DAB1: variants seen among roughly 807,000 people sequenced by gnomAD.
DAB1 encodes the protein disabled homolog 1.
In DAB1, 15 loss-of-function variants were observed where a neutral mutation model predicts 64.6. The observed-to-expected ratio is 0.23, with a 90% CI of 0.16 to 0.36. The LOEUF (loss-of-function observed/expected upper bound fraction) is 0.36, where lower values mean the gene tolerates loss of function less well. Among genes scored for constraint, DAB1 ranks in the 10% least tolerant of loss-of-function variants. DAB1 has a pLI of 1.00. For missense variants in DAB1, 596 were observed against 706.7 expected, an observed-to-expected ratio of 0.84 and a Z score of 1.78; for synonymous variants, 235 against 251.9, an observed-to-expected ratio of 0.93 and a Z score of 0.64.
At chr1:58,416,356 T>G (rs1164744805) in intron 3 of DAB1, among the ~76,000 whole-genome samples, 1 of 152,192 alleles carries the variant, frequency 6.6e-6, no homozygotes, top group Non-Finnish European at 1.5e-5. Flanking sequence ...ATTTGGAGAC[T>G]GGGTATAATA....
intron 2 of DAB1, among the ~76,000 whole-genome samples, chr1:57,153,767 A>G (rs1347429067): frequency 6.6e-6 from 1 of 151,928 alleles, no homozygotes; most frequent in Middle Eastern, 3.2e-3. Context: ...CCTCCTGAGT[A>G]GCTGGGATTA....
At chr1:57,066,024 C>G (rs79073234) in intron 8 of DAB1, among the ~76,000 whole-genome samples, 3,132 of 152,294 alleles carry the variant, frequency 0.021, 45 homozygotes, top group South Asian at 0.041. Context: ...ATACAGAAGA[C>G]ACTTTTACTT....
intron 1 of DAB1, among the ~76,000 whole-genome samples, chr1:57,357,263 A>C (rs1434478020): frequency 6.6e-6 from 1 of 152,050 alleles, no homozygotes; most frequent in Non-Finnish European, 1.5e-5. Context: ...GAAATGTAAA[A>C]AAAATAATAC....
intron 1 of DAB1, among the ~76,000 whole-genome samples, chr1:57,344,762 G>A (rs192254661): frequency 2.2e-4 from 33 of 152,230 alleles, no homozygotes; most frequent in Admixed American, 7.8e-4. Context: ...GGGGCACACA[G>A]ACGTGGGCTT....
chr1:57,320,880 A>G (rs1675658723), intron 1 of DAB1, among the ~76,000 whole-genome samples: 1 of 152,184 alleles, frequency 6.6e-6, no homozygotes, highest in Non-Finnish European at 1.5e-5. Context: ...CCCAGGTTAC[A>G]GGGCTAGTAA....
intron 3 of DAB1, among the ~76,000 whole-genome samples, chr1:58,434,790 G>A (rs1211746690): frequency 6.6e-6 from 1 of 152,108 alleles, no homozygotes; most frequent in African/African-American, 2.4e-5. Context: ...TAAACAAAGT[G>A]CATCCCCTGC....
intron 5 of DAB1, among the ~76,000 whole-genome samples, chr1:58,125,749 C>A (rs1056854333): frequency 6.6e-6 from 1 of 152,240 alleles, no homozygotes; most frequent in Middle Eastern, 3.4e-3. Context: ...CCCAGTCTCA[C>A]CTTAACACTT....
intron 5 of DAB1, among the ~76,000 whole-genome samples, chr1:58,147,384 C>T (rs1454703413): frequency 2.7e-5 from 4 of 149,672 alleles, no homozygotes; most frequent in Non-Finnish European, 4.4e-5. Flanking sequence ...TTCGGGAGGC[C>T]GAGGCAGGCG....
At chr1:57,340,873 C>T (rs531991941) in intron 1 of DAB1, among the ~76,000 whole-genome samples, 1 of 152,280 alleles carries the variant, frequency 6.6e-6, no homozygotes, top group East Asian at 1.9e-4. Flanking sequence ...TGCACAAGTC[C>T]CACACTGAAC....
intron 1 of DAB1, among the ~76,000 whole-genome samples, chr1:57,398,973 C>A (rs1045546700): frequency 9.2e-5 from 14 of 152,234 alleles, no homozygotes; most frequent in African/African-American, 3.4e-4. Context: ...TGGGGAAATG[C>A]AGTCCGACTC....
intron 4 of DAB1, among the ~76,000 whole-genome samples, chr1:57,086,656 C>T (rs1653107243): frequency 6.8e-6 from 1 of 147,698 alleles, no homozygotes; most frequent in Non-Finnish European, 1.5e-5. Flanking sequence ...CACACACACA[C>T]ACACACACAC....
intron 6 of DAB1, among the ~76,000 whole-genome samples, chr1:57,768,040 G>T (rs1234524570): frequency 6.6e-6 from 1 of 151,774 alleles, no homozygotes; most frequent in Non-Finnish European, 1.5e-5. Flanking sequence ...AGCCAGGTTT[G>T]GTGGTGTGCG....
chr1:57,997,144 G>C (rs78092383), intron 5 of DAB1, among the ~76,000 whole-genome samples: 1 of 152,088 alleles, frequency 6.6e-6, no homozygotes, highest in Admixed American at 6.5e-5. Flanking sequence ...TGGGAAGCTC[G>C]GCAAGTGGGC....
chr1:57,640,931 A>C (rs746603899), intron 7 of DAB1, among the ~76,000 whole-genome samples: 1 of 152,156 alleles, frequency 6.6e-6, no homozygotes, highest in Non-Finnish European at 1.5e-5. Flanking sequence ...GGCTTAAATG[A>C]AGGCTGCTGT....
rs1161415612 is a variant in DAB1 at position 57,063,760 on chromosome 1, A to G, written c.664-817T>C. 2.0e-5 allele frequency among the ~76,000 whole-genome samples: 3 copies of G among 152,222 alleles called. No homozygotes were observed. In the East Asian group the frequency reaches 5.8e-4, roughly 29 times the overall value. ...GTTAGAAGAATTACTTTAGTTACTG[A>G]CACATCATTTAAATATATACGAACA... On this transcript the variant is annotated intron_variant, in intron 8 of 14. Transcript: ENST00000371236.
intron 4 of DAB1, among the ~76,000 whole-genome samples, chr1:58,280,357 G>C (rs1460632215): frequency 6.6e-6 from 1 of 152,156 alleles, no homozygotes; most frequent in Non-Finnish European, 1.5e-5. Context: ...CCTAGCATGG[G>C]GATCATCAGA....
intron 6 of DAB1, among the ~76,000 whole-genome samples, chr1:57,805,572 T>G (rs1267940832): frequency 6.6e-6 from 1 of 152,210 alleles, no homozygotes; most frequent in Non-Finnish European, 1.5e-5. Flanking sequence ...TTGTATGTCT[T>G]CAAATATCAT....
chr1:58,079,616 G>A (rs996892145), intron 5 of DAB1, among the ~76,000 whole-genome samples: 12 of 141,966 alleles, frequency 8.5e-5, no homozygotes, highest in South Asian at 2.3e-4. Flanking sequence ...TCTGCCTCCC[G>A]GTTCAAGCAA....
intron 2 of DAB1, among the ~76,000 whole-genome samples, chr1:57,276,825 T>C (rs1413409473): frequency 6.6e-6 from 1 of 152,234 alleles, no homozygotes; most frequent in Admixed American, 6.5e-5. Context: ...TAATAAACTA[T>C]AATTGTTTCT....
Sources: allele counts gnomAD v4.1 joint callset (sites outside exome capture counted in the v4.1 genomes callset), GRCh38; gene constraint gnomAD v4.1.1; transcripts MANE v1.5; gene names NCBI Gene and HGNC (gene_info 2026-07-23, HGNC 2026-07-21).